Variants in DST observed in about 807,000 individuals in gnomAD.
DST encodes dystonin.
In DST, 253 loss-of-function variants were observed where a neutral mutation model predicts 875.2. The observed-to-expected ratio is 0.29, with a 90% CI of 0.26 to 0.32. The LOEUF (loss-of-function observed/expected upper bound fraction) is 0.32, where lower values mean the gene tolerates loss of function less well. DST is among the 10% of genes least tolerant of loss of function. DST has a pLI of 1.00. For missense variants in DST, 8,287 were observed against 9,111.6 expected (o/e 0.91, Z 3.68); for synonymous variants, 3,124 against 3,197.1 (o/e 0.98, Z 0.77).
intron 4 of DST, among the ~76,000 whole-genome samples, chr6:56,782,547 T>A (rs1455261539): frequency 6.6e-6 from 1 of 152,240 alleles, no homozygotes; most frequent in Non-Finnish European, 1.5e-5. Context: ...GTAGTTTGTA[T>A]TTCTGTGGGA....
intron 4 of DST, among the ~76,000 whole-genome samples, chr6:56,768,371 G>T (rs1226595811): frequency 1.3e-5 from 2 of 152,040 alleles, no homozygotes; most frequent in Non-Finnish European, 2.9e-5. Context: ...ATAACAGAGG[G>T]CCCAGAAATA....
rs373905787 is a variant in DST at position 56,553,368 on chromosome 6, T to C, written c.15424A>G (p.Thr5142Ala). The C allele has an allele frequency of 6.2e-7, 1 of 1,607,286 alleles. No individual in the cohort carries two copies. Among genetic ancestry groups the C allele is most frequent in the Non-Finnish European group, 8.5e-7 (1 of 1,177,972 alleles). ...AATGTATCCCAATTGGTTTTAATTG[T>C]ATTAAGCTGTAACTGTAAGGCTGCC... The part of the protein sequence containing the change: ...EKAALQLQLN[T>A]IKTNWDTFNK... Residue 5142 changes from threonine (T) to alanine (A), a missense_variant, in exon 61 of 104, where the codon ACA becomes GCA. Transcript: ENST00000680361.
chr6:56,871,759 A>T, intron 3 of DST: 1 of 483,364 alleles, frequency 2.1e-6, no homozygotes, highest in Non-Finnish European at 3.7e-6. Context: ...CAGCGTTAAA[A>T]TAAATACAAT....
chr6:56,703,040 T>C (rs1408605910), intron 7 of DST, among the ~76,000 whole-genome samples: 1 of 152,190 alleles, frequency 6.6e-6, no homozygotes, highest in Non-Finnish European at 1.5e-5. Flanking sequence ...AGCACGTCTG[T>C]CTTGCAAAGG....
At chr6:56,688,384 T>G (rs535543220) in intron 9 of DST, among the ~76,000 whole-genome samples, 1 of 152,346 alleles carries the variant, frequency 6.6e-6, no homozygotes, top group East Asian at 1.9e-4. Flanking sequence ...AAATAATGAA[T>G]AAATATATTT....
At chr6:56,820,930 C>T (rs149297732) in intron 4 of DST, among the ~76,000 whole-genome samples, 86 of 152,320 alleles carry the variant, frequency 5.6e-4, no homozygotes, top group Non-Finnish European at 9.7e-4. Flanking sequence ...TAAAGGACCA[C>T]ATACCTTTGC....
At chr6:56,848,224 T>C (rs531809976) in intron 4 of DST, among the ~76,000 whole-genome samples, 6 of 152,328 alleles carry the variant, frequency 3.9e-5, no homozygotes, top group African/African-American at 1.4e-4. Context: ...TTGCAGGGGC[T>C]CAATAAGTAG....
chr6:56,776,588 C>T (rs2099679687), intron 4 of DST, among the ~76,000 whole-genome samples: 1 of 152,002 alleles, frequency 6.6e-6, no homozygotes, highest in Admixed American at 6.6e-5. Context: ...AATCTAAATC[C>T]ATTACTATTT....
chr6:56,474,540 T>C (rs2095071460), intron 92 of DST, among the ~76,000 whole-genome samples: 3 of 151,902 alleles, frequency 2.0e-5, no homozygotes, highest in South Asian at 2.1e-4. Flanking sequence ...AGAGAGTAAA[T>C]TGAAAATAAA....
Position 56,485,424 on chromosome 6 carries a change from T to C in DST, c.21095A>G (p.Asp7032Gly), listed in dbSNP as rs2095528276. 2 of 1,613,964 alleles carry C rather than the reference T, an allele frequency of 1.2e-6. No homozygotes were observed. Among genetic ancestry groups the C allele is most frequent in the South Asian group, 2.2e-5 (2 of 91,076 alleles). The change falls in exon 88 of 104, where the codon GAT becomes GGT. Residue 7032 changes from aspartate (D) to glycine (G), a missense_variant. This residue lies in a region of DST where 1,292 missense variants were observed against 1,552.7 expected (regional missense o/e 0.83). Coordinates refer to ENST00000680361, the MANE Select transcript of DST (RefSeq NM_001374736.1). ...CCAATCAATGAGAGCCTGTAGGGCATCTGTGAATTGTCCAGAAAATAACAG... is the reference window on the plus strand; with the variant it reads ...CCAATCAATGAGAGCCTGTAGGGCACCTGTGAATTGTCCAGAAAATAACAG... ...EALLFSGQFT[D>G]ALQALIDWLY...
Position 56,605,183 on chromosome 6 carries a change from T to C in DST, c.9445A>G (p.Ile3149Val), listed in dbSNP as rs1218801910. Residue 3149 changes from isoleucine (I) to valine (V), a missense_variant, in exon 40 of 104, where the codon ATT becomes GTT. Physicochemically the swap from Ile to Val is conservative, Grantham distance 29 (BLOSUM62 3). Coordinates refer to ENST00000680361, the MANE Select transcript of DST (RefSeq NM_001374736.1). Reference sequence around the variant, plus strand: ...ATGTCTGAAGTAATGTCATCACTAATCTCTTTGGAAACTGATGTGTCAAAA... The same window carrying C: ...ATGTCTGAAGTAATGTCATCACTAACCTCTTTGGAAACTGATGTGTCAAAA... ...EIFDTSVSKE[I>V]SDDITSDITS... is the part of the protein sequence containing the mutation. 6.2e-7 allele frequency: 1 copy of C among 1,612,128 alleles called. No individual in the cohort carries two copies. The highest frequency in any genetic ancestry group is 2.2e-5 in the East Asian group (1 of 44,792).
intron 67 of DST, among the ~76,000 whole-genome samples, chr6:56,527,970 T>C (rs2096831242): frequency 6.6e-6 from 1 of 152,224 alleles, no homozygotes; most frequent in Admixed American, 6.5e-5. Flanking sequence ...TAAATGTCTT[T>C]AGCTATGTGG....
rs755995368 is a variant in DST at position 56,634,231 on chromosome 6, C to G, written c.3522G>C (p.Leu1174=). Residue 1174 remains leucine, a synonymous_variant, in exon 27 of 104, where the codon CTG becomes CTC. Transcript: ENST00000680361. ...TTATGTGAGACTCATGCCAAAGAGT[C>G]AGGACATTCTGATACTGTTGCTCAA... is the stretch of plus-strand genomic sequence containing the variant. ...NRIEQQYQNV[L]TLWHESHINM... is the part of the protein sequence containing the mutation. 1 of 1,613,804 alleles carries G rather than the reference C, an allele frequency of 6.2e-7. No individual in the cohort carries two copies.
chr6:56,948,322 C>T (rs1218757031), intron 2 of DST, among the ~76,000 whole-genome samples: 1 of 152,176 alleles, frequency 6.6e-6, no homozygotes, highest in Non-Finnish European at 1.5e-5. Flanking sequence ...AGCATCACTA[C>T]TCTTGCACTA....
In DST at chr6:56,833,064, G is replaced by A. The variant is rs2099789220; in HGVS notation, c.625+18333C>T. Among the ~76,000 whole-genome samples, 3 of 152,026 alleles carry A rather than the reference G, an allele frequency of 2.0e-5. No individual in the cohort carries two copies. In the South Asian group the frequency reaches 6.2e-4, roughly 32 times the overall value. Reference sequence around the variant, plus strand: ...TTATTTTCAACATTATCTAGTTTCTGTTACACAAATAAGGTTATCACAAGA... The same window carrying A: ...TTATTTTCAACATTATCTAGTTTCTATTACACAAATAAGGTTATCACAAGA... On this transcript the variant is annotated intron_variant, in intron 4 of 103. Coordinates refer to ENST00000680361, the MANE Select transcript of DST (RefSeq NM_001374736.1).
chr6:56,795,037 C>T (rs545011554), intron 4 of DST, among the ~76,000 whole-genome samples: 1 of 152,074 alleles, frequency 6.6e-6, no homozygotes, highest in East Asian at 1.9e-4. Flanking sequence ...GAGCAAAGCC[C>T]CTTATAGGAA....
chr6:56,631,430 T>A, intron 29 of DST, 41 bp from the exon 30 acceptor site: 2 of 1,544,086 alleles, frequency 1.3e-6, no homozygotes, highest in East Asian at 4.5e-5. Flanking sequence ...GGCCATCACC[T>A]GTGATGAGGT....
intron 2 of DST, among the ~76,000 whole-genome samples, chr6:56,920,723 C>T (rs1006378413): frequency 4.2e-5 from 6 of 141,386 alleles, no homozygotes; most frequent in Non-Finnish European, 9.2e-5. Context: ...TTCTTTCTTT[C>T]TTCCTTTTTT....
At position 56,470,007 on chromosome 6, in the gene DST, T is replaced by A. The variant is rs1472744446; in HGVS notation, c.22477-50A>T. 1.9e-6 allele frequency: 3 copies of A among 1,605,740 alleles called. No homozygotes were observed. The Admixed American group carries it at 5.0e-5, about 27-fold the overall frequency. On this transcript the variant is annotated intron_variant, in intron 96 of 103. Transcript: ENST00000680361. ...TTACTTTAATGTCAATATTACATAGTACAATCCTTAAAACTTTGACACAAC... is the reference window on the plus strand; with the variant it reads ...TTACTTTAATGTCAATATTACATAGAACAATCCTTAAAACTTTGACACAAC...
Sources: allele counts gnomAD v4.1 joint callset (sites outside exome capture counted in the v4.1 genomes callset), GRCh38; gene constraint gnomAD v4.1.1; regional missense constraint gnomAD v4.1.1; transcripts MANE v1.5; gene names NCBI Gene and HGNC (gene_info 2026-07-23, HGNC 2026-07-21).